MALRD1: variants seen among roughly 807,000 people sequenced by gnomAD.
MALRD1 encodes MAM and LDL-receptor class A domain-containing protein 1.
In MALRD1, 247 loss-of-function variants were observed where a neutral mutation model predicts 242.1. The observed-to-expected ratio is 1.02, with a 90% CI of 0.92 to 1.13. MALRD1 has a LOEUF of 1.13. Ranked by LOEUF, MALRD1 falls within the 50% of genes most tolerant of loss-of-function variation. The pLI, the probability that MALRD1 is intolerant of heterozygous loss-of-function variation, is 0.00. For missense variants in MALRD1, 2,989 were observed against 2,533.1 expected, an observed-to-expected ratio of 1.18 and a Z score of -3.86; for synonymous variants, 995 against 866.6, an observed-to-expected ratio of 1.15 and a Z score of -2.60.
At chr10:19,599,806 C>T (rs917255251) in intron 34 of MALRD1, among the ~76,000 whole-genome samples, 2 of 152,094 alleles carry the variant, frequency 1.3e-5, no homozygotes, top group African/African-American at 4.8e-5. Flanking sequence ...AGAGGCATGA[C>T]ATTTAGTTAA....
At chr10:19,399,564 A>G (rs576398885) in intron 28 of MALRD1, among the ~76,000 whole-genome samples, 16 of 152,248 alleles carry the variant, frequency 1.1e-4, no homozygotes, top group African/African-American at 3.6e-4. Context: ...GTCCGTTTTT[A>G]CCAATTACAG....
intron 33 of MALRD1, among the ~76,000 whole-genome samples, chr10:19,594,430 A>T (rs993461775): frequency 6.6e-6 from 1 of 152,152 alleles, no homozygotes; most frequent in African/African-American, 2.4e-5. Flanking sequence ...TAGTATGGAG[A>T]TGCCTTAAAG....
chr10:19,536,399 G>C (rs372092386), intron 32 of MALRD1, among the ~76,000 whole-genome samples: 17 of 149,046 alleles, frequency 1.1e-4, no homozygotes, highest in South Asian at 4.2e-4. Context: ...TGTGCACAAC[G>C]TGCAGGTTTG....
At chr10:19,483,438 C>T (rs1012810021) in intron 29 of MALRD1, among the ~76,000 whole-genome samples, 6 of 151,788 alleles carry the variant, frequency 4.0e-5, no homozygotes, top group African/African-American at 1.5e-4. Flanking sequence ...AATCTATAAG[C>T]AACTGAAGTT....
Position 19,576,964 on chromosome 10 carries a change from G to GT in MALRD1, c.5680+9278dup, listed in dbSNP as rs11331552. 2.6e-3 allele frequency among the ~76,000 whole-genome samples: 316 copies of GT among 123,390 alleles called. 1 individual carries two copies. Among genetic ancestry groups the GT allele is most frequent in the South Asian group, 7.8e-3 (30 of 3,870 alleles). The allele number at this position is 123,390 out of a possible 152,430, so 80.9% of individuals were successfully genotyped here. On this transcript the variant is annotated intron_variant, in intron 33 of 39. Coordinates refer to ENST00000454679, the MANE Select transcript of MALRD1 (RefSeq NM_001142308.3). Reference sequence around the variant, plus strand: ...TCCTCATTGAAAAATCCACATTGTCGTTTTTTTTTTTTTTTTTGATTTGGC... The same window carrying GT: ...TCCTCATTGAAAAATCCACATTGTCGTTTTTTTTTTTTTTTTTTGATTTGGC...
chr10:19,727,708 A>T (rs1835098756), intron 38 of MALRD1, among the ~76,000 whole-genome samples: 1 of 152,128 alleles, frequency 6.6e-6, no homozygotes, highest in African/African-American at 2.4e-5. Flanking sequence ...ATTGGGGGAA[A>T]AAAAATCAAC....
At chr10:19,732,387 T>C (rs1002954352) in intron 39 of MALRD1, among the ~76,000 whole-genome samples, 1 of 152,090 alleles carries the variant, frequency 6.6e-6, no homozygotes, top group Admixed American at 6.6e-5. Context: ...CTCAGCCTCC[T>C]GAGTAGCTGG....
intron 18 of MALRD1, among the ~76,000 whole-genome samples, chr10:19,221,269 T>C (rs1401613493): frequency 6.6e-6 from 1 of 152,180 alleles, no homozygotes; most frequent in Admixed American, 6.5e-5. Flanking sequence ...TTAATAATGT[T>C]AAGTTGATCC....
At chr10:19,732,710 C>T (rs1017277457) in intron 39 of MALRD1, among the ~76,000 whole-genome samples, 2 of 152,056 alleles carry the variant, frequency 1.3e-5, no homozygotes, top group African/African-American at 4.8e-5. Context: ...AAAAGTGGCT[C>T]GATAGGTATT....
chr10:19,436,146 C>T (rs1834344072), intron 28 of MALRD1, among the ~76,000 whole-genome samples: 1 of 152,082 alleles, frequency 6.6e-6, no homozygotes, highest in Admixed American at 6.6e-5. Flanking sequence ...AGACCAAGTC[C>T]TAGAATCAGC....
intron 28 of MALRD1, among the ~76,000 whole-genome samples, chr10:19,392,529 C>G (rs763327191): frequency 7.9e-5 from 12 of 152,120 alleles, no homozygotes; most frequent in Non-Finnish European, 1.6e-4. Flanking sequence ...TTCAGAGAAA[C>G]CTCAACAAAG....
intron 4 of MALRD1, among the ~76,000 whole-genome samples, chr10:19,094,728 T>C (rs567176277): frequency 6.6e-6 from 1 of 152,370 alleles, no homozygotes; most frequent in South Asian, 2.1e-4. Context: ...TTATTCCAAA[T>C]GCTGTTGAAG....
intron 7 of MALRD1, among the ~76,000 whole-genome samples, chr10:19,127,314 G>A (rs935911990): frequency 6.6e-6 from 1 of 152,160 alleles, no homozygotes; most frequent in Non-Finnish European, 1.5e-5. Flanking sequence ...AGTCAGGCAT[G>A]ATTTACTGTG....
intron 19 of MALRD1, among the ~76,000 whole-genome samples, chr10:19,266,147 TG>T (rs2131833313): frequency 8.4e-6 from 1 of 118,458 alleles, no homozygotes; most frequent in South Asian, 2.3e-4. Flanking sequence ...TATTGGATAT[TG>T]TTTTTTTTTT....
At chr10:19,592,571 C>A (rs1303101793) in intron 33 of MALRD1, among the ~76,000 whole-genome samples, 1 of 152,142 alleles carries the variant, frequency 6.6e-6, no homozygotes, top group Non-Finnish European at 1.5e-5. Context: ...ATCTGTTATA[C>A]GCAGGACAAG....
At position 19,607,645 on chromosome 10, in the gene MALRD1, T is replaced by G. The variant is rs181620979; in HGVS notation, c.5945-132T>G. The G allele has an allele frequency of 2.4e-4, 295 of 1,223,282 alleles. No homozygotes were observed. In the African/African-American group the frequency reaches 4.2e-3, roughly 17 times the overall value. The allele number at this position is 1,223,282 out of a possible 1,614,324, so 75.8% of individuals were successfully genotyped here. A position where few individuals can be genotyped will look rare whatever the true frequency, so the allele number is the denominator to read the frequency against. On this transcript the variant is annotated intron_variant, in intron 34 of 39. Coordinates refer to ENST00000454679, the MANE Select transcript of MALRD1 (RefSeq NM_001142308.3). ...GAAATATTCTTCAAAAAGAACTGTGTTCTAAAATATCAGACTAGAAAAAAT... is the reference window on the plus strand; with the variant it reads ...GAAATATTCTTCAAAAAGAACTGTGGTCTAAAATATCAGACTAGAAAAAAT...
chr10:19,535,334 G>T (rs186642978), intron 32 of MALRD1, among the ~76,000 whole-genome samples: 250 of 152,120 alleles, frequency 1.6e-3, no homozygotes, highest in African/African-American at 5.9e-3. Context: ...GTGATAAAAA[G>T]AAATGTTTAT....
intron 5 of MALRD1, among the ~76,000 whole-genome samples, chr10:19,123,253 T>C (rs982880551): frequency 1.3e-5 from 2 of 152,068 alleles, no homozygotes; most frequent in Non-Finnish European, 2.9e-5. Flanking sequence ...TTCTGAAACA[T>C]TGGCATAGTT....
In MALRD1 at chr10:19,306,101, G is replaced by GTATATATATACTATATAGTATATATAGT. The variant is rs1564546829; in HGVS notation, c.3420-17848_3420-17847insTATATATATACTATATAGTATATATAGT. Reference sequence around the variant, plus strand: ...TATATACTATATATACTATATACTAGATAGTATATATATACTATCTAGTAT... The same window carrying GTATATATATACTATATAGTATATATAGT: ...TATATACTATATATACTATATACTAGTATATATATACTATATAGTATATATAGTATAGTATATATATACTATCTAGTAT... On this transcript the variant is annotated intron_variant, in intron 21 of 39. Transcript: ENST00000454679. 2.8e-5 allele frequency among the ~76,000 whole-genome samples: 3 copies of GTATATATATACTATATAGTATATATAGT among 109,084 alleles called. No individual in the cohort carries two copies. In the South Asian group the frequency reaches 7.7e-4, roughly 28 times the overall value. The allele number at this position is 109,084 out of a possible 152,430, so 71.6% of individuals were successfully genotyped here. A position where few individuals can be genotyped will look rare whatever the true frequency, so the allele number is the denominator to read the frequency against.
Sources: gnomAD v4.1 joint callset for allele counts (sites outside exome capture counted in the v4.1 genomes callset) on GRCh38, gnomAD v4.1.1 for gene constraint, MANE v1.5 for transcripts, NCBI Gene and HGNC (gene_info 2026-07-23, HGNC 2026-07-21) for gene names.